The following LMBR1 variants were observed in gnomAD, a reference collection of about 807,000 sequenced individuals.
LMBR1 encodes the protein limb development membrane protein 1.
A neutral mutation model predicts 73.9 loss-of-function variants in LMBR1; 52 were observed. The ratio of observed to expected loss-of-function variants is 0.70; its 90% confidence interval spans 0.56 to 0.89. The LOEUF (loss-of-function observed/expected upper bound fraction) is 0.89, where lower values mean the gene tolerates loss of function less well. Among genes scored for constraint, LMBR1 ranks in the 40% least tolerant of loss-of-function variants. LMBR1 has a pLI of 0.00. For missense variants in LMBR1, 539 were observed against 579.8 expected (o/e 0.93, Z 0.72); for synonymous variants, 215 against 209.4 (o/e 1.03, Z -0.23).
chr7:156,765,987 A>T (rs1563310688), intron 5 of LMBR1, among the ~76,000 whole-genome samples: 1 of 152,212 alleles, frequency 6.6e-6, no homozygotes, highest in Non-Finnish European at 1.5e-5. Flanking sequence ...CACTGTAACA[A>T]TAATTTTTAG....
chr7:156,866,160 T>C (rs1225042791), intron 1 of LMBR1, among the ~76,000 whole-genome samples: 1 of 151,598 alleles, frequency 6.6e-6, no homozygotes, highest in Non-Finnish European at 1.5e-5. Context: ...GAATAGAAAA[T>C]ACTTGGAAGT....
chr7:156,738,817 G>A (rs577136165), intron 9 of LMBR1, among the ~76,000 whole-genome samples: 1 of 152,238 alleles, frequency 6.6e-6, no homozygotes, highest in East Asian at 1.9e-4. Context: ...ATCCAGGAGT[G>A]ACATATAGCT....
At chr7:156,834,267 A>T (rs1355312516) in intron 2 of LMBR1, among the ~76,000 whole-genome samples, 1 of 152,178 alleles carries the variant, frequency 6.6e-6, no homozygotes, top group African/African-American at 2.4e-5. Flanking sequence ...ATCCTAAATA[A>T]CTTGGATACT....
At chr7:156,696,071 C>T (rs1258857241) in intron 15 of LMBR1, among the ~76,000 whole-genome samples, 1 of 152,166 alleles carries the variant, frequency 6.6e-6, no homozygotes, top group East Asian at 1.9e-4. Context: ...CAAAGTGAGT[C>T]ATGGGCCAAA....
chr7:156,694,684 C>T (rs1807920019), intron 15 of LMBR1, among the ~76,000 whole-genome samples: 1 of 152,068 alleles, frequency 6.6e-6, no homozygotes, highest in African/African-American at 2.4e-5. Context: ...TTAAGGACTC[C>T]ATCAAACAAA....
chr7:156,850,832 T>C (rs764297785), intron 1 of LMBR1, among the ~76,000 whole-genome samples: 20 of 152,202 alleles, frequency 1.3e-4, no homozygotes, highest in Non-Finnish European at 2.5e-4. Context: ...AATTTCATGT[T>C]GAAGCGTGAT....
chr7:156,756,184 G>C (rs1194097608), intron 9 of LMBR1, among the ~76,000 whole-genome samples: 1 of 152,150 alleles, frequency 6.6e-6, no homozygotes, highest in African/African-American at 2.4e-5. Context: ...GTCTCATAAA[G>C]AATGGGTCCT....
Position 156,762,144 on chromosome 7 carries a change from A to T in LMBR1, c.674T>A (p.Val225Glu). The T allele has an allele frequency of 6.3e-7, 1 of 1,598,998 alleles. No individual in the cohort carries two copies. The highest frequency in any genetic ancestry group is 8.6e-7 in the Non-Finnish European group (1 of 1,166,404). Residue 225 changes from valine (V) to glutamate (E), a missense_variant, in exon 8 of 17, where the codon GTG becomes GAG. Physicochemically the swap from Val to Glu is moderately radical, Grantham distance 121 (BLOSUM62 -2). Around this residue, in one of 3 missense-constraint regions of LMBR1, gnomAD observed 454 missense variants for 473.4 expected, o/e 0.96. Coordinates refer to ENST00000353442, the MANE Select transcript of LMBR1 (RefSeq NM_022458.4). Reference sequence around the variant, plus strand: ...TAATTAAATACTTACTGTTGGCTTCACTAGCAACTGACCCATCACTGTGAA... The same window carrying T: ...TAATTAAATACTTACTGTTGGCTTCTCTAGCAACTGACCCATCACTGTGAA... Reference protein sequence around the residue: ...RMFTVMGQLLVKPTILEDLDE... With the variant: ...RMFTVMGQLLEKPTILEDLDE...
At chr7:156,707,965 T>C (rs1355923132) in intron 15 of LMBR1, among the ~76,000 whole-genome samples, 2 of 151,844 alleles carry the variant, frequency 1.3e-5, no homozygotes, top group Admixed American at 6.6e-5. Flanking sequence ...AAAAAGCTCT[T>C]GGATTTGATA....
intron 15 of LMBR1, among the ~76,000 whole-genome samples, chr7:156,701,860 T>C (rs1465761881): frequency 2.0e-5 from 3 of 152,242 alleles, no homozygotes; most frequent in Non-Finnish European, 4.4e-5. Flanking sequence ...TTCCCACTTA[T>C]AAGTGAGAAC....
At chr7:156,868,513 A>C (rs985898129) in intron 1 of LMBR1, among the ~76,000 whole-genome samples, 2 of 152,042 alleles carry the variant, frequency 1.3e-5, no homozygotes, top group African/African-American at 4.8e-5. Flanking sequence ...GTGTCTCCTA[A>C]AAATACGAAA....
At chr7:156,838,680 G>A (rs1250465814) in intron 1 of LMBR1, among the ~76,000 whole-genome samples, 2 of 152,110 alleles carry the variant, frequency 1.3e-5, no homozygotes, top group Admixed American at 1.3e-4. Context: ...CATGAACATG[G>A]GAGGGCAGGT....
At chr7:156,745,054 C>A (rs957202803) in intron 9 of LMBR1, among the ~76,000 whole-genome samples, 1 of 152,230 alleles carries the variant, frequency 6.6e-6, no homozygotes, top group African/African-American at 2.4e-5. Context: ...ATCCCATATG[C>A]AAAGTCACCT....
chr7:156,701,260 G>T (rs1291033146), intron 15 of LMBR1, among the ~76,000 whole-genome samples: 1 of 151,572 alleles, frequency 6.6e-6, no homozygotes, highest in Non-Finnish European at 1.5e-5. Flanking sequence ...TGTTCAAGCT[G>T]CATTATTTGC....
chr7:156,729,475 CT>C (rs5888691), intron 10 of LMBR1, among the ~76,000 whole-genome samples: 82,218 of 120,492 alleles, frequency 0.68, 26,455 homozygotes, highest in Admixed American at 0.72. Context: ...CCCTTCTATT[CT>C]TTTTTTTTTT....
At position 156,855,869 on chromosome 7, in the gene LMBR1, A is replaced by G. The variant is rs1796891495; in HGVS notation, c.67-18984T>C. Among the ~76,000 whole-genome samples, 3 of 152,180 alleles carry G rather than the reference A, an allele frequency of 2.0e-5. No individual in the cohort carries two copies. In the South Asian group the frequency reaches 6.2e-4, roughly 31 times the overall value. ...AAAGCTGTAAAATATTTCAAATGTTAAAAGGAAAAAACGAAAAATGAAAAC... is the reference window on the plus strand; with the variant it reads ...AAAGCTGTAAAATATTTCAAATGTTGAAAGGAAAAAACGAAAAATGAAAAC... On this transcript the variant is annotated intron_variant, in intron 1 of 16. Transcript: ENST00000353442.
At chr7:156,711,488 A>C (rs1812075691) in intron 15 of LMBR1, among the ~76,000 whole-genome samples, 1 of 152,190 alleles carries the variant, frequency 6.6e-6, no homozygotes, top group African/African-American at 2.4e-5. Context: ...TTTTTCACGT[A>C]ATTAAAAAAA....
intron 4 of LMBR1, among the ~76,000 whole-genome samples, chr7:156,809,563 G>A (rs1252465864): frequency 6.6e-6 from 1 of 152,096 alleles, no homozygotes; most frequent in Admixed American, 6.5e-5. Flanking sequence ...ATTGTTTAGG[G>A]AATAAGAAGA....
At chr7:156,745,321 G>A (rs1819647172) in intron 9 of LMBR1, among the ~76,000 whole-genome samples, 1 of 152,120 alleles carries the variant, frequency 6.6e-6, no homozygotes, top group African/African-American at 2.4e-5. Flanking sequence ...GGAACCACTT[G>A]TTCTAGATAT....
Sources: allele counts gnomAD v4.1 joint callset (sites outside exome capture counted in the v4.1 genomes callset), GRCh38; gene constraint gnomAD v4.1.1; regional missense constraint gnomAD v4.1.1; transcripts MANE v1.5; gene names NCBI Gene and HGNC (gene_info 2026-07-23, HGNC 2026-07-21).